Variants in SPDYE10 observed in about 807,000 individuals in gnomAD.
SPDYE10 encodes the protein speedy protein E10.
the SPDYE10 span, among the ~76,000 whole-genome samples, chr7:73,123,413 A>G: frequency 1.4e-4 from 22 of 152,280 alleles, no homozygotes; most frequent in African/African-American, 3.1e-4. Context: ...TTTAAGCTCA[A>G]TTGCCCACAC....
At chr7:73,149,340 T>G in the SPDYE10 span, among the ~76,000 whole-genome samples, 1 of 132,462 alleles carries the variant, frequency 7.5e-6, no homozygotes, top group Non-Finnish European at 1.6e-5. Flanking sequence ...CAGGCTGGAG[T>G]GCAGTGGCGC....
the SPDYE10 span, among the ~76,000 whole-genome samples, chr7:73,113,419 C>G: frequency 1.0e-5 from 1 of 100,384 alleles, no homozygotes; most frequent in Non-Finnish European, 2.0e-5. Flanking sequence ...CACCTGTGTT[C>G]CAACAACTTG....
At chr7:73,123,776 T>TCTCTCTCTCCCC in the SPDYE10 span, among the ~76,000 whole-genome samples, 3 of 150,018 alleles carry the variant, frequency 2.0e-5, no homozygotes, top group African/African-American at 7.5e-5. Flanking sequence ...TCTCTCTCTC[T>TCTCTCTCTCCCC]CTCTCTCTCT....
chr7:73,150,615 C>T, the SPDYE10 span, among the ~76,000 whole-genome samples: 3 of 151,824 alleles, frequency 2.0e-5, no homozygotes, highest in Admixed American at 6.6e-5. Context: ...CCCAACTCCT[C>T]GGGAGGCTGA....
At chr7:73,114,606 G>A in the SPDYE10 span, among the ~76,000 whole-genome samples, 5 of 136,602 alleles carry the variant, frequency 3.7e-5, no homozygotes, top group Admixed American at 8.1e-5. Flanking sequence ...GCATGATCTC[G>A]GCTCACTGCA....
At chr7:73,135,141 G>A in the SPDYE10 span, among the ~76,000 whole-genome samples, 2 of 152,188 alleles carry the variant, frequency 1.3e-5, no homozygotes, top group Admixed American at 6.5e-5. Context: ...GCAGCCCTGG[G>A]GAGACCCAAG....
the SPDYE10 span, among the ~76,000 whole-genome samples, chr7:73,149,581 C>G: frequency 2.6e-5 from 4 of 152,176 alleles, no homozygotes; most frequent in Non-Finnish European, 4.4e-5. Context: ...GCCATTGTGC[C>G]CAGCCAACAG....
the SPDYE10 span, among the ~76,000 whole-genome samples, chr7:73,142,938 AAAAG>A: frequency 7.0e-6 from 1 of 142,998 alleles, no homozygotes. Flanking sequence ...GTCTCAAAAA[AAAAG>A]AGAGAGAGGG....
At chr7:73,152,382 T>A in the SPDYE10 span, among the ~76,000 whole-genome samples, 9 of 143,210 alleles carry the variant, frequency 6.3e-5, no homozygotes, top group Non-Finnish European at 1.2e-4. Context: ...CTGTACCATT[T>A]CCAACATTTT....
At chr7:73,137,509 G>C in the SPDYE10 span, among the ~76,000 whole-genome samples, 2 of 142,276 alleles carry the variant, frequency 1.4e-5, no homozygotes, top group Non-Finnish European at 3.0e-5. Context: ...GCAACACAGT[G>C]AGACTCCAAA....
At chr7:73,124,079 G>C in the SPDYE10 span, among the ~76,000 whole-genome samples, 1 of 149,662 alleles carries the variant, frequency 6.7e-6, no homozygotes, top group South Asian at 2.1e-4. Flanking sequence ...CATTGTGCCT[G>C]ACTAACACCC....
chr7:73,149,297 G>C, the SPDYE10 span, among the ~76,000 whole-genome samples: 6 of 100,816 alleles, frequency 6.0e-5, no homozygotes, highest in Middle Eastern at 9.8e-3. Flanking sequence ...CTATTTTTTG[G>C]GGGGGCGGGG....
At chr7:73,117,454 T>C in the SPDYE10 span, among the ~76,000 whole-genome samples, 1 of 117,864 alleles carries the variant, frequency 8.5e-6, no homozygotes, top group East Asian at 2.2e-4. Flanking sequence ...CCTCATGTGA[T>C]CTGCCCCTGC....
chr7:73,142,378 AT>A, the SPDYE10 span, among the ~76,000 whole-genome samples: 1 of 145,188 alleles, frequency 6.9e-6, no homozygotes, highest in East Asian at 2.0e-4. Context: ...AACAAGCCTA[AT>A]TTTATTTATT....
the SPDYE10 span, among the ~76,000 whole-genome samples, chr7:73,134,523 A>G: frequency 0.11 from 447 of 4,190 alleles, 1 homozygote; most frequent in South Asian, 0.18. Context: ...AGTATAATAA[A>G]AAAGAAAGAA....
chr7:73,127,629 G>C, the SPDYE10 span, among the ~76,000 whole-genome samples: 1 of 103,128 alleles, frequency 9.7e-6, no homozygotes, highest in Non-Finnish European at 2.1e-5. Flanking sequence ...GAATGGAAGG[G>C]AAGACAATTA....
the SPDYE10 span, among the ~76,000 whole-genome samples, chr7:73,134,694 T>C: frequency 6.6e-6 from 1 of 152,232 alleles, no homozygotes; most frequent in Non-Finnish European, 1.5e-5. Flanking sequence ...AAACCCCGTC[T>C]CTACTAAAAA....
chr7:73,137,654 A>G, the SPDYE10 span, among the ~76,000 whole-genome samples: 2 of 133,960 alleles, frequency 1.5e-5, no homozygotes, highest in South Asian at 2.7e-4. Flanking sequence ...AGAAAGAAAG[A>G]AAAGAGAAAG....
the SPDYE10 span, among the ~76,000 whole-genome samples, chr7:73,115,429 G>T: frequency 1.3e-5 from 2 of 151,558 alleles, no homozygotes; most frequent in Admixed American, 1.3e-4. Context: ...ACACCTGGAG[G>T]GTGCCAGGCA....
Sources: allele counts gnomAD v4.1 joint callset (sites outside exome capture counted in the v4.1 genomes callset), GRCh38; gene constraint gnomAD v4.1.1; transcripts MANE v1.5; gene names NCBI Gene and HGNC (gene_info 2026-07-23, HGNC 2026-07-21).